The following SND1 variants were observed in gnomAD, a reference collection of about 807,000 sequenced individuals.
The protein encoded by SND1 is staphylococcal nuclease domain-containing protein 1.
SND1 carries 38 observed loss-of-function variants against 121.7 expected under a neutral mutation model. The observed-to-expected ratio is 0.31, with a 90% CI of 0.24 to 0.41. The LOEUF is 0.41. Ranked by LOEUF, SND1 falls within the 10% of genes least tolerant of loss-of-function variation. SND1 has a pLI of 1.00. For synonymous variants in SND1, 401 were observed against 447.4 expected (o/e 0.90, Z 1.31); for missense variants, 868 against 1,184.6 (o/e 0.73, Z 3.92).
chr7:128,064,442 C>T (rs572252103), intron 16 of SND1, among the ~76,000 whole-genome samples: 1 of 152,082 alleles, frequency 6.6e-6, no homozygotes, highest in Non-Finnish European at 1.5e-5. Context: ...GGGAAGAATC[C>T]AAGAGCCATT....
chr7:127,909,258 G>A (rs2116775127), intron 14 of SND1, among the ~76,000 whole-genome samples: 1 of 152,184 alleles, frequency 6.6e-6, no homozygotes, highest in East Asian at 1.9e-4. Context: ...AGTCCTGACA[G>A]CTCCTCTGTT....
At chr7:127,685,103 A>G (rs1297815486) in intron 1 of SND1, among the ~76,000 whole-genome samples, 5 of 152,138 alleles carry the variant, frequency 3.3e-5, no homozygotes, top group African/African-American at 1.2e-4. Flanking sequence ...GCAGTATTTC[A>G]GTTCTTAACT....
Position 128,037,328 on chromosome 7 carries a change from T to G in SND1, c.1780-37174T>G, listed in dbSNP as rs149616998. ...CTGCCTCCATGGCCACATTGCCTTC[T>G]CCTTTTCTGTCTGCCTCTCTCCTCT... is the stretch of plus-strand genomic sequence containing the variant. On this transcript the variant is annotated intron_variant, in intron 16 of 23. Coordinates refer to ENST00000354725, the MANE Select transcript of SND1 (RefSeq NM_014390.4). 1.4e-4 allele frequency among the ~76,000 whole-genome samples: 22 copies of G among 152,322 alleles called. 2 individuals are homozygous for G. The East Asian group carries it at 4.2e-3, about 29-fold the overall frequency.
intron 13 of SND1, among the ~76,000 whole-genome samples, chr7:127,900,250 G>A (rs1413870366): frequency 6.6e-6 from 1 of 152,068 alleles, no homozygotes; most frequent in African/African-American, 2.4e-5. Flanking sequence ...TGATAAGGTT[G>A]GATCTAGCCA....
At position 128,029,339 on chromosome 7, in the gene SND1, G is replaced by A. The variant is rs762817576; in HGVS notation, c.1779+38283G>A. 19 of 1,614,070 alleles carry A rather than the reference G, an allele frequency of 1.2e-5. No homozygotes were observed. Among genetic ancestry groups the A allele is most frequent in the South Asian group, 6.6e-5 (6 of 91,080 alleles). On this transcript the variant is annotated intron_variant, in intron 16 of 23. Coordinates refer to ENST00000354725, the MANE Select transcript of SND1 (RefSeq NM_014390.4). The surrounding 1 kb of genome is among the most constrained non-coding windows in gnomAD (Gnocchi z 4.2). ...TGCTCACATTGAGGTAGGCCGAGGC[G>A]TTGGAGTTGCCTGCAACATTGGTCA...
chr7:127,889,614 T>A (rs1047791849), intron 13 of SND1, among the ~76,000 whole-genome samples: 3 of 147,086 alleles, frequency 2.0e-5, no homozygotes, highest in African/African-American at 7.5e-5. Flanking sequence ...GTCTTATTGA[T>A]TCTTTCAAGC....
intron 1 of SND1, among the ~76,000 whole-genome samples, chr7:127,683,292 T>G (rs1795759013): frequency 6.6e-6 from 1 of 152,212 alleles, no homozygotes; most frequent in African/African-American, 2.4e-5. Flanking sequence ...CATGGCTCAC[T>G]GCAACCTTGA....
intron 11 of SND1, among the ~76,000 whole-genome samples, chr7:127,811,474 T>C (rs370829668): frequency 8.5e-5 from 13 of 152,188 alleles, no homozygotes; most frequent in East Asian, 5.8e-4. Context: ...TCTATTGCTA[T>C]CAGACATCTT....
Position 127,887,424 on chromosome 7 carries a change from T to G in SND1, c.1344-478T>G, listed in dbSNP as rs1799932542. On this transcript the variant is annotated intron_variant, in intron 12 of 23. Coordinates refer to ENST00000354725, the MANE Select transcript of SND1 (RefSeq NM_014390.4). ...AGTTCTTATAAGAGAAACACTTCGT[T>G]ATGTAAAACCAATGTTTCTAACGTT... Among the ~76,000 whole-genome samples, 4 of 152,148 alleles carry G rather than the reference T, an allele frequency of 2.6e-5. No individual in the cohort carries two copies. The South Asian group carries it at 8.3e-4, about 31-fold the overall frequency.
chr7:128,038,682 G>A (rs948645274), intron 16 of SND1, among the ~76,000 whole-genome samples: 1 of 143,862 alleles, frequency 7.0e-6, no homozygotes, highest in African/African-American at 2.5e-5. Flanking sequence ...ACAGTTACTG[G>A]GTTGGGTTTT....
At chr7:127,669,149 C>T (rs554772871) in intron 1 of SND1, among the ~76,000 whole-genome samples, 9 of 152,250 alleles carry the variant, frequency 5.9e-5, no homozygotes, top group African/African-American at 1.2e-4. Flanking sequence ...CTCGACACCA[C>T]GACCAGCTCA....
intron 16 of SND1, among the ~76,000 whole-genome samples, chr7:128,008,625 G>T (rs1803041019): frequency 6.6e-6 from 1 of 152,056 alleles, no homozygotes; most frequent in Admixed American, 6.5e-5. Flanking sequence ...GCACAGGGTG[G>T]GCCCATGAGT....
chr7:127,737,794 A>G (rs1423893333), intron 10 of SND1, among the ~76,000 whole-genome samples: 5 of 152,212 alleles, frequency 3.3e-5, no homozygotes, highest in African/African-American at 1.2e-4. Flanking sequence ...GTTGGCATTC[A>G]AAGAGTTTCA....
chr7:127,789,891 A>G (rs1354464880), intron 10 of SND1, among the ~76,000 whole-genome samples: 2 of 152,238 alleles, frequency 1.3e-5, no homozygotes, highest in Non-Finnish European at 2.9e-5. Flanking sequence ...ATGTGTTACC[A>G]TTAAACCATT....
chr7:127,809,572 C>CA (rs1288756959), intron 11 of SND1, among the ~76,000 whole-genome samples: 1 of 152,206 alleles, frequency 6.6e-6, no homozygotes, highest in Non-Finnish European at 1.5e-5. Flanking sequence ...CAGACCTCTG[C>CA]AGCTGTTCAG....
intron 16 of SND1, among the ~76,000 whole-genome samples, chr7:128,017,420 T>G (rs1309704775): frequency 6.6e-6 from 1 of 152,232 alleles, no homozygotes; most frequent in East Asian, 1.9e-4. Flanking sequence ...GAAGATGTTT[T>G]CCTGTTGTCC....
rs373677979 is a variant in SND1 at position 128,074,705 on chromosome 7, C to T, written c.1968+15C>T. On this transcript the variant is annotated intron_variant, in intron 17 of 23. Transcript: ENST00000354725. ...AGAAAGAGAAGGTACATGTGGCAGC[C>T]CAGCTGTGCTCTCCCTGCCCTCCCG... 3 of 1,597,042 alleles carry T rather than the reference C, an allele frequency of 1.9e-6. No homozygotes were observed. The highest frequency in any genetic ancestry group is 1.7e-5 in the Admixed American group (1 of 58,178).
At chr7:128,039,421 G>A (rs1024071581) in intron 16 of SND1, among the ~76,000 whole-genome samples, 2 of 152,008 alleles carry the variant, frequency 1.3e-5, no homozygotes, top group South Asian at 4.1e-4. Flanking sequence ...TAATTTTATC[G>A]ATAGCCCTAG....
chr7:127,677,634 C>G (rs1324195271), intron 1 of SND1, among the ~76,000 whole-genome samples: 1 of 152,208 alleles, frequency 6.6e-6, no homozygotes, highest in Non-Finnish European at 1.5e-5. Context: ...AACTACTCAA[C>G]TCTGCTGTTC....
Sources: gnomAD v4.1 joint callset for allele counts (sites outside exome capture counted in the v4.1 genomes callset) on GRCh38, gnomAD v4.1.1 for gene constraint, Gnocchi (gnomAD v3.1) non-coding constraint, MANE v1.5 for transcripts, NCBI Gene and HGNC (gene_info 2026-07-23, HGNC 2026-07-21) for gene names.